COQ8A: variants seen among roughly 807,000 people sequenced by gnomAD.
COQ8A encodes the protein coenzyme Q8A.
Under a neutral mutation model 65.0 loss-of-function variants are expected in COQ8A, and 51 were observed. The observed-to-expected ratio is 0.78, with a 90% CI of 0.63 to 0.99. The LOEUF (loss-of-function observed/expected upper bound fraction) is 0.99. Ranked by LOEUF, COQ8A falls within the 50% of genes least tolerant of loss-of-function variation. The pLI is 0.00. For missense variants in COQ8A, 940 were observed against 875.0 expected (o/e 1.07, Z -0.94); for synonymous variants, 371 against 353.2 (o/e 1.05, Z -0.57).
At chr1:226,941,794 T>C (rs1656714700) in intron 1 of COQ8A, among the ~76,000 whole-genome samples, 2 of 146,238 alleles carry the variant, frequency 1.4e-5, no homozygotes, top group African/African-American at 2.5e-5. Context: ...AAAAAAAGGC[T>C]CAGGCAATGG....
intron 1 of COQ8A, among the ~76,000 whole-genome samples, chr1:226,955,482 C>T (rs1287063972): frequency 4.2e-5 from 6 of 142,734 alleles, no homozygotes; most frequent in South Asian, 2.4e-4. Context: ...CTCTCCCTGG[C>T]TGCCACTCTC....
intron 1 of COQ8A, among the ~76,000 whole-genome samples, chr1:226,944,061 T>C (rs1656853582): frequency 1.3e-5 from 2 of 151,402 alleles, no homozygotes; most frequent in South Asian, 4.2e-4. Flanking sequence ...TCCCAGGCCT[T>C]GGAGTAGGTG....
At chr1:226,969,042 A>C (rs1346956887) in intron 4 of COQ8A, among the ~76,000 whole-genome samples, 1 of 152,172 alleles carries the variant, frequency 6.6e-6, no homozygotes, top group Non-Finnish European at 1.5e-5. Context: ...CTTGCCGTTG[A>C]TTCCAAATGG....
At chr1:226,977,341 C>T (rs183093922) in intron 4 of COQ8A, 108 bp from the exon 5 acceptor site, 292 of 1,033,818 alleles carry the variant, frequency 2.8e-4, no homozygotes, top group African/African-American at 2.6e-3. Context: ...AGCGAGGGCC[C>T]CTGGTGCAAG....
intron 1 of COQ8A, among the ~76,000 whole-genome samples, chr1:226,955,844 ACT>A (rs35526197): frequency 0.036 from 2,081 of 58,356 alleles, 29 homozygotes; most frequent in African/African-American, 0.048. Flanking sequence ...CCTGGTTCAC[ACT>A]CTCCCTGGCT....
At chr1:226,982,356 A>T in intron 6 of COQ8A, 1 of 758,536 alleles carries the variant, frequency 1.3e-6, no homozygotes, top group Non-Finnish European at 2.1e-6. Flanking sequence ...GAGAGGAAAA[A>T]TTGCTCTCTA....
At chr1:226,944,851 G>C (rs1656934300) in intron 1 of COQ8A, among the ~76,000 whole-genome samples, 1 of 151,786 alleles carries the variant, frequency 6.6e-6, no homozygotes, top group African/African-American at 2.4e-5. Flanking sequence ...ATTTGGAAAA[G>C]CCCAGTCCCT....
At chr1:226,950,395 A>C (rs1247128655) in intron 1 of COQ8A, among the ~76,000 whole-genome samples, 1 of 152,190 alleles carries the variant, frequency 6.6e-6, no homozygotes, top group Non-Finnish European at 1.5e-5. Context: ...CATCAAAAAC[A>C]CACTGTTTTG....
At chr1:226,983,217 A>G in intron 8 of COQ8A, 183 bp downstream of exon 8, 1 of 1,010,568 alleles carries the variant, frequency 9.9e-7, no homozygotes, top group East Asian at 2.6e-5. Flanking sequence ...AGTATTTGCT[A>G]AATGAGTGAC....
intron 4 of COQ8A, among the ~76,000 whole-genome samples, chr1:226,969,580 TTC>T (rs912782245): frequency 1.1e-3 from 166 of 152,358 alleles, no homozygotes; most frequent in Non-Finnish European, 2.0e-3. Flanking sequence ...TGACCCTTCA[TTC>T]TTATGTTATG....
rs543253070 is a variant in COQ8A, at chr1:226,986,846, AG to A, written c.*115del. On this transcript the variant is annotated 3_prime_UTR_variant, in exon 15 of 15. Coordinates refer to ENST00000366777, the MANE Select transcript of COQ8A (RefSeq NM_020247.5). ...CTCTTTTTAACTCCTTTGCCCAATA[AG>A]GGGGGTGGCTGCCTGGAGCCCCGTA... 2.9e-6 allele frequency: 4 copies of A among 1,400,958 alleles called. No individual in the cohort carries two copies. Among genetic ancestry groups the A allele is most frequent in the East Asian group, 2.5e-5 (1 of 40,108 alleles). The allele number at this position is 1,400,958 out of a possible 1,614,324, so 86.8% of individuals were successfully genotyped here.
rs868693482 is a variant in COQ8A, at chr1:226,977,455, C to T, written c.662C>T (p.Ala221Val). The change falls in exon 5 of 15, where the codon GCC becomes GTC. Residue 221 changes from alanine (A) to valine (V), a missense_variant. Coordinates refer to ENST00000366777, the MANE Select transcript of COQ8A (RefSeq NM_020247.5). Reference protein sequence around the residue: ...IGRLANFGGLAVGLGFGALAE... With the variant: ...IGRLANFGGLVVGLGFGALAE... Reference sequence around the variant, plus strand: ...CGCCCCCTCCTCCTTGCAGGTCTGGCCGTGGGCCTGGGCTTCGGGGCACTG... The same window carrying T: ...CGCCCCCTCCTCCTTGCAGGTCTGGTCGTGGGCCTGGGCTTCGGGGCACTG... 6.4e-7 allele frequency: 1 copy of T among 1,563,142 alleles called. No homozygotes were observed. The highest frequency in any genetic ancestry group is 8.7e-7 in the Non-Finnish European group (1 of 1,154,050).
intron 1 of COQ8A, among the ~76,000 whole-genome samples, chr1:226,950,102 G>T (rs1157156799): frequency 1.7e-4 from 26 of 152,212 alleles, no homozygotes; most frequent in Admixed American, 1.6e-3. Flanking sequence ...TAAAAGCCTT[G>T]TGTGTCATCG....
intron 4 of COQ8A, among the ~76,000 whole-genome samples, chr1:226,976,431 C>T (rs375980506): frequency 1.7e-4 from 26 of 150,896 alleles, no homozygotes; most frequent in South Asian, 8.4e-4. Context: ...TTCGGGGCTG[C>T]GGGGCTGCGG....
chr1:226,947,787 C>A, intron 1 of COQ8A, among the ~76,000 whole-genome samples: 1 of 132,770 alleles, frequency 7.5e-6, no homozygotes. Context: ...ACAGTAAGAC[C>A]CTGTCTCAAA....
chr1:226,978,806 C>T (rs1246224135), intron 5 of COQ8A, among the ~76,000 whole-genome samples: 3 of 119,212 alleles, frequency 2.5e-5, no homozygotes, highest in Non-Finnish European at 3.8e-5. Flanking sequence ...CGCACAGCTC[C>T]TTACACACCC....
chr1:226,985,111 C>T (rs1558209867), intron 13 of COQ8A, 143 bp from the exon 14 acceptor site: 18 of 1,213,684 alleles, frequency 1.5e-5, no homozygotes, highest in Admixed American at 6.9e-5. Context: ...AGCTGCCAGG[C>T]GTGGTGTCAC....
intron 1 of COQ8A, among the ~76,000 whole-genome samples, chr1:226,960,523 T>TTGG (rs1438005683): frequency 1.4e-5 from 2 of 138,168 alleles, no homozygotes; most frequent in African/African-American, 5.6e-5. Flanking sequence ...GTGGTGGTGC[T>TTGG]TGGTGGTGGT....
intron 2 of COQ8A, among the ~76,000 whole-genome samples, chr1:226,964,098 C>A (rs1193190804): frequency 6.6e-6 from 1 of 152,224 alleles, no homozygotes; most frequent in African/African-American, 2.4e-5. Flanking sequence ...ACATCTTAGA[C>A]AGCAGAACGT....
Sources: gnomAD v4.1 joint callset for allele counts (sites outside exome capture counted in the v4.1 genomes callset) on GRCh38, gnomAD v4.1.1 for gene constraint, MANE v1.5 for transcripts, NCBI Gene and HGNC (gene_info 2026-07-23, HGNC 2026-07-21) for gene names.